Variants in SMAD1 observed in about 807,000 individuals in gnomAD.
SMAD1 encodes SMAD family member 1.
A neutral mutation model predicts 41.6 loss-of-function variants in SMAD1; 6 were observed. The ratio of observed to expected loss-of-function variants is 0.14; its 90% CI spans 0.08 to 0.28. The LOEUF is 0.28. SMAD1 is among the 10% of genes least tolerant of loss of function. The pLI, the probability that SMAD1 is intolerant of heterozygous loss-of-function variation, is 1.00. For missense variants in SMAD1, 379 were observed against 582.6 expected (o/e 0.65, Z 3.60); for synonymous variants, 206 against 203.2 (o/e 1.01, Z -0.12).
intron 1 of SMAD1, among the ~76,000 whole-genome samples, chr4:145,495,993 C>T (rs1002385715): frequency 6.6e-6 from 1 of 152,092 alleles, no homozygotes; most frequent in Non-Finnish European, 1.5e-5. Context: ...GATTTGAACA[C>T]ATACAAGAGC....
At chr4:145,509,322 T>C (rs1316673247) in intron 1 of SMAD1, among the ~76,000 whole-genome samples, 1 of 152,228 alleles carries the variant, frequency 6.6e-6, no homozygotes, top group Non-Finnish European at 1.5e-5. Flanking sequence ...GTCTCCTGTG[T>C]CTAGCACTGT....
Position 145,558,032 on chromosome 4 carries a change from G to T in SMAD1, c.*98G>T. 2.0e-5 allele frequency: 14 copies of T among 695,106 alleles called. No individual in the cohort carries two copies. The highest frequency in any genetic ancestry group is 6.5e-5 in the East Asian group (2 of 31,002). The allele number at this position is 695,106 out of a possible 1,614,324, so 43.1% of individuals were successfully genotyped here. A position where few individuals can be genotyped will look rare whatever the true frequency, so the allele number is the denominator to read the frequency against. The stretch of plus-strand genomic sequence containing the variant: ...GATTGAGAACTGACAAAGGAGCCTT[G>T]ATAATACTTGACCTCTGTGACCAAC... On this transcript the variant is annotated 3_prime_UTR_variant, in exon 7 of 7. Coordinates refer to ENST00000302085, the MANE Select transcript of SMAD1 (RefSeq NM_005900.3).
chr4:145,497,184 A>G (rs989279246), intron 1 of SMAD1: 1 of 152,230 alleles, frequency 6.6e-6, no homozygotes, highest in Non-Finnish European at 1.5e-5. Flanking sequence ...GTTAATTACT[A>G]GTAAGGCTGC....
At chr4:145,492,212 G>T (rs1459745875) in intron 1 of SMAD1, among the ~76,000 whole-genome samples, 1 of 152,112 alleles carries the variant, frequency 6.6e-6, no homozygotes, top group Non-Finnish European at 1.5e-5. Context: ...GCTGGGCTGG[G>T]TGTCTTCCAA....
intron 5 of SMAD1, among the ~76,000 whole-genome samples, chr4:145,552,527 T>C (rs1732607109): frequency 6.6e-6 from 1 of 152,208 alleles, no homozygotes; most frequent in Non-Finnish European, 1.5e-5. Flanking sequence ...CCCAATTTCC[T>C]ACACTTTAAG....
intron 2 of SMAD1, among the ~76,000 whole-genome samples, chr4:145,536,063 C>T (rs2126499267): frequency 6.6e-6 from 1 of 151,210 alleles, no homozygotes; most frequent in African/African-American, 2.4e-5. Context: ...GAAATTTTTT[C>T]AGTGTATCGT....
At chr4:145,500,910 A>G (rs1038229117) in intron 1 of SMAD1, among the ~76,000 whole-genome samples, 1 of 152,178 alleles carries the variant, frequency 6.6e-6, no homozygotes, top group East Asian at 1.9e-4. Flanking sequence ...TGCCTAACCC[A>G]GTGGATTGGG....
At chr4:145,483,387 C>T (rs754274861) in intron 1 of SMAD1, among the ~76,000 whole-genome samples, 17 of 152,188 alleles carry the variant, frequency 1.1e-4, no homozygotes, top group Non-Finnish European at 2.9e-5. Flanking sequence ...AACTTGCCCA[C>T]ACCTCAGTAA....
chr4:145,532,247 G>A (rs1731357168), intron 2 of SMAD1, among the ~76,000 whole-genome samples: 1 of 152,190 alleles, frequency 6.6e-6, no homozygotes, highest in Admixed American at 6.5e-5. Context: ...TTTTAACAGA[G>A]ATGCACAGTT....
intron 1 of SMAD1, among the ~76,000 whole-genome samples, chr4:145,513,996 C>T (rs1730237458): frequency 6.6e-6 from 1 of 152,148 alleles, no homozygotes; most frequent in South Asian, 2.1e-4. Context: ...ATATCATAGA[C>T]TGGGTGGCTT....
At position 145,512,263 on chromosome 4, in the gene SMAD1, C is replaced by T. The variant is rs76725905; in HGVS notation, c.-176-2175C>T. 6.8e-3 allele frequency among the ~76,000 whole-genome samples: 1,042 copies of T among 152,168 alleles called. 9 individuals are homozygous for T. The highest frequency in any genetic ancestry group is 0.023 in the African/African-American group (964 of 41,524). ...TGTATCCTTGGAAGGTGTAGGGCTTCGTGAATGTATGGTTAGATGTCTGTT... is the reference window on the plus strand; with the variant it reads ...TGTATCCTTGGAAGGTGTAGGGCTTTGTGAATGTATGGTTAGATGTCTGTT... On this transcript the variant is annotated intron_variant, in intron 1 of 6. Coordinates refer to ENST00000302085, the MANE Select transcript of SMAD1 (RefSeq NM_005900.3).
At chr4:145,480,917 ATTTTT>A (rs5862738), upstream of SMAD1, among the ~76,000 whole-genome samples, 6 of 128,720 alleles carry the variant, frequency 4.7e-5, no homozygotes, top group African/African-American at 8.6e-5. Flanking sequence ...GCTGGGAGTG[ATTTTT>A]TTTTTTTTTT....
rs575077949 is a variant in SMAD1, at chr4:145,542,552, T to C, written c.659-30T>C. Reference sequence around the variant, plus strand: ...TTGAGCATGTATGTTTACTAAGGGTTAAGAAATAACTTCTTTAAAAACTTT... The same window carrying C: ...TTGAGCATGTATGTTTACTAAGGGTCAAGAAATAACTTCTTTAAAAACTTT... On this transcript the variant is annotated intron_variant, in intron 3 of 6. Coordinates refer to ENST00000302085, the MANE Select transcript of SMAD1 (RefSeq NM_005900.3). The C allele has an allele frequency of 3.0e-5, 41 of 1,372,776 alleles. 1 individual carries two copies. In the South Asian group the frequency reaches 4.2e-4, roughly 14 times the overall value. The allele number at this position is 1,372,776 out of a possible 1,614,324, so 85.0% of individuals were successfully genotyped here. A position where few individuals can be genotyped will look rare whatever the true frequency, so the allele number is the denominator to read the frequency against.
intron 6 of SMAD1, 46 bp from the exon 7 acceptor site, chr4:145,557,745 C>T (rs762424424): frequency 4.0e-6 from 6 of 1,485,324 alleles, no homozygotes; most frequent in Non-Finnish European, 5.5e-6. Context: ...ATAAGTTTAA[C>T]CACTGAGTTA....
intron 1 of SMAD1, among the ~76,000 whole-genome samples, chr4:145,499,448 C>T (rs1729298124): frequency 6.6e-6 from 1 of 152,136 alleles, no homozygotes. Flanking sequence ...TGGCAAAACC[C>T]TGTCACTAAT....
intron 4 of SMAD1, among the ~76,000 whole-genome samples, chr4:145,543,922 T>C (rs1336975197): frequency 6.6e-6 from 1 of 152,234 alleles, no homozygotes; most frequent in Non-Finnish European, 1.5e-5. Context: ...TTGTTTCATT[T>C]TAGTGCTTTT....
Position 145,487,958 on chromosome 4 carries a change from G to A in SMAD1, c.-177+5920G>A, listed in dbSNP as rs569827839. ...TAAGGTACTGGGAACTACAGTATTT[G>A]AACAGTTCAGCATCTTTATAATTTT... is the stretch of plus-strand genomic sequence containing the variant. On this transcript the variant is annotated intron_variant, in intron 1 of 6. Coordinates refer to ENST00000302085, the MANE Select transcript of SMAD1 (RefSeq NM_005900.3). Among the ~76,000 whole-genome samples, 45 of 152,262 alleles carry A rather than the reference G, an allele frequency of 3.0e-4. No individual in the cohort carries two copies. In the South Asian group the frequency reaches 9.3e-3, roughly 32 times the overall value.
At chr4:145,523,572 T>C (rs1730872335) in intron 2 of SMAD1, among the ~76,000 whole-genome samples, 1 of 152,218 alleles carries the variant, frequency 6.6e-6, no homozygotes, top group Non-Finnish European at 1.5e-5. Context: ...TGTATATTTG[T>C]ATAACTATAA....
At chr4:145,499,611 T>A (rs1481634895) in intron 1 of SMAD1, among the ~76,000 whole-genome samples, 1 of 152,100 alleles carries the variant, frequency 6.6e-6, no homozygotes, top group Non-Finnish European at 1.5e-5. Flanking sequence ...CAAGACCATG[T>A]CTCAAGAAAA....
Sources: gnomAD v4.1 joint callset for allele counts (sites outside exome capture counted in the v4.1 genomes callset) on GRCh38, gnomAD v4.1.1 for gene constraint, MANE v1.5 for transcripts, NCBI Gene and HGNC (gene_info 2026-07-23, HGNC 2026-07-21) for gene names.